Variants in NCK2 observed in about 807,000 individuals in gnomAD.
The protein encoded by NCK2 is cytoplasmic protein NCK2.
In NCK2, 16 loss-of-function variants were observed where a neutral mutation model predicts 33.9. The observed-to-expected ratio is 0.47, with a 90% confidence interval of 0.32 to 0.72. NCK2 has a LOEUF of 0.72. Among genes scored for constraint, NCK2 ranks in the 30% least tolerant of loss-of-function variants. The probability of loss-of-function intolerance (pLI) is 0.03; values close to 1 mark genes in which losing one functional copy is unlikely to be tolerated. For synonymous variants in NCK2, 273 were observed against 239.9 expected (o/e 1.14, Z -1.27); for missense variants, 418 against 537.3 (o/e 0.78, Z 2.19).
chr2:105,840,185 T>C (rs1358703961), intron 2 of NCK2, among the ~76,000 whole-genome samples: 1 of 152,112 alleles, frequency 6.6e-6, no homozygotes. Flanking sequence ...GCATGTCTTA[T>C]GCTAAATGAG....
At position 105,767,811 on chromosome 2, in the gene NCK2, T is replaced by C. The variant is rs991637885; in HGVS notation, c.-201+22673T>C. Among the ~76,000 whole-genome samples the C allele has an allele frequency of 2.0e-5, 3 of 152,082 alleles. No homozygotes were observed. The East Asian group carries it at 5.8e-4, about 29-fold the overall frequency. On this transcript the variant is annotated intron_variant, in intron 1 of 4. Coordinates refer to ENST00000233154, the MANE Select transcript of NCK2 (RefSeq NM_003581.5). Reference sequence around the variant, plus strand: ...AAGGAGGAGGAGGATACCCATTGTCTCAGGGGATTGCTAGCATGAAATTGT... The same window carrying C: ...AAGGAGGAGGAGGATACCCATTGTCCCAGGGGATTGCTAGCATGAAATTGT...
chr2:105,874,031 A>C (rs914352444), intron 3 of NCK2, among the ~76,000 whole-genome samples: 14 of 152,226 alleles, frequency 9.2e-5, no homozygotes, highest in African/African-American at 3.4e-4. Context: ...CCCTTCACAG[A>C]GAGGAATTTT....
chr2:105,807,602 G>A (rs780611626), intron 1 of NCK2, among the ~76,000 whole-genome samples: 7 of 152,126 alleles, frequency 4.6e-5, no homozygotes, highest in Non-Finnish European at 7.4e-5. Context: ...GCCTCTTGGA[G>A]TTGGAGTCAC....
chr2:105,749,839 G>A lies in NCK2; in HGVS notation c.-201+4701G>A, dbSNP rs745938085. 2.0e-3 allele frequency among the ~76,000 whole-genome samples: 297 copies of A among 152,070 alleles called. 11 individuals carry two copies. The highest frequency in any genetic ancestry group is 6.6e-4 in the Non-Finnish European group (45 of 68,024). On this transcript the variant is annotated intron_variant, in intron 1 of 4. Transcript: ENST00000233154. Reference sequence around the variant, plus strand: ...CAGAAAGCTTATTCCTGTTTAGTGCGTGTATTAGTCAGCTCCAGCTGCCTT... The same window carrying A: ...CAGAAAGCTTATTCCTGTTTAGTGCATGTATTAGTCAGCTCCAGCTGCCTT...
At chr2:105,795,916 T>C (rs987994137) in intron 1 of NCK2, among the ~76,000 whole-genome samples, 1 of 152,210 alleles carries the variant, frequency 6.6e-6, no homozygotes, top group African/African-American at 2.4e-5. Flanking sequence ...TCTAGGACTT[T>C]AGGAAAACAT....
rs866461931 is a variant in NCK2 at position 105,893,352 on chromosome 2, A to T, written c.*176A>T. On this transcript the variant is annotated 3_prime_UTR_variant, in exon 5 of 5. Transcript: ENST00000233154. ...TTTGCCATCCAGGCCTCACACCCAC[A>T]CTCGAGCCCACCCGGCCGGCCAGCT... The T allele has an allele frequency of 2.2e-5, 13 of 583,788 alleles. No individual in the cohort carries two copies. The South Asian group carries it at 3.0e-4, about 13-fold the overall frequency. 36.2% of individuals were successfully genotyped at this position (583,788 alleles called of 1,614,324 possible).
chr2:105,747,895 A>G (rs1295933078), intron 1 of NCK2, among the ~76,000 whole-genome samples: 2 of 152,256 alleles, frequency 1.3e-5, no homozygotes, highest in African/African-American at 4.8e-5. Context: ...GTGTGCAGCT[A>G]AAGCAAAAAC....
intron 3 of NCK2, among the ~76,000 whole-genome samples, chr2:105,875,697 A>G (rs541059252): frequency 6.6e-6 from 1 of 152,314 alleles, no homozygotes; most frequent in African/African-American, 2.4e-5. Flanking sequence ...CCAGACACCG[A>G]ATCTCCTGGG....
intron 3 of NCK2, among the ~76,000 whole-genome samples, chr2:105,859,349 T>G (rs970841066): frequency 1.3e-5 from 2 of 151,888 alleles, no homozygotes; most frequent in Admixed American, 1.3e-4. Flanking sequence ...CTCAGGAGGG[T>G]TTGTTCACAG....
At chr2:105,847,522 A>AG (rs1676898655) in intron 2 of NCK2, among the ~76,000 whole-genome samples, 1 of 152,120 alleles carries the variant, frequency 6.6e-6, no homozygotes, top group Non-Finnish European at 1.5e-5. Context: ...GCAGGTGTGC[A>AG]GCGGAACTGG....
chr2:105,835,037 T>C (rs1034602632), intron 2 of NCK2, among the ~76,000 whole-genome samples: 1 of 152,120 alleles, frequency 6.6e-6, no homozygotes. Flanking sequence ...GTTAAGTATT[T>C]TCTGGTTGCT....
At chr2:105,793,438 AG>A (rs952335746) in intron 1 of NCK2, among the ~76,000 whole-genome samples, 7 of 151,390 alleles carry the variant, frequency 4.6e-5, no homozygotes, top group Non-Finnish European at 1.0e-4. Flanking sequence ...CTGGTCAGGC[AG>A]GGAACTTCTG....
intron 1 of NCK2, among the ~76,000 whole-genome samples, chr2:105,798,066 C>T (rs1420685208): frequency 6.6e-6 from 1 of 152,118 alleles, no homozygotes; most frequent in Admixed American, 6.5e-5. Flanking sequence ...ATTTTAGACT[C>T]AATATTAAAT....
intron 1 of NCK2, among the ~76,000 whole-genome samples, chr2:105,812,344 C>T (rs1675320350): frequency 6.6e-6 from 1 of 152,228 alleles, no homozygotes; most frequent in African/African-American, 2.4e-5. Flanking sequence ...ATGGGTTGAA[C>T]TTTGGCCAAA....
At chr2:105,746,570 G>A (rs1402037754) in intron 1 of NCK2, among the ~76,000 whole-genome samples, 1 of 152,162 alleles carries the variant, frequency 6.6e-6, no homozygotes, top group African/African-American at 2.4e-5. Flanking sequence ...ATAAGCAGGT[G>A]AATTAGTAAC....
intron 1 of NCK2, among the ~76,000 whole-genome samples, chr2:105,755,623 A>C (rs973878656): frequency 4.6e-5 from 7 of 152,176 alleles, no homozygotes; most frequent in Non-Finnish European, 8.8e-5. Context: ...TAGATTGGGA[A>C]GTAGAAACAA....
chr2:105,755,169 G>GT (rs1689565208), intron 1 of NCK2, among the ~76,000 whole-genome samples: 1 of 152,110 alleles, frequency 6.6e-6, no homozygotes, highest in Non-Finnish European at 1.5e-5. Flanking sequence ...TAAGCCATCT[G>GT]TCTTGCTTCA....
At chr2:105,873,309 C>A (rs1053301583) in intron 3 of NCK2, among the ~76,000 whole-genome samples, 4 of 152,214 alleles carry the variant, frequency 2.6e-5, no homozygotes, top group African/African-American at 9.6e-5. Context: ...CATGTGGGCC[C>A]ACCCTAAGTC....
intron 1 of NCK2, among the ~76,000 whole-genome samples, chr2:105,773,099 G>A (rs1462584736): frequency 1.3e-5 from 2 of 151,284 alleles, no homozygotes; most frequent in African/African-American, 4.8e-5. Context: ...GGCCCTCACT[G>A]TGTTATCCAG....
Sources: allele counts gnomAD v4.1 joint callset (sites outside exome capture counted in the v4.1 genomes callset), GRCh38; gene constraint gnomAD v4.1.1; transcripts MANE v1.5; gene names NCBI Gene and HGNC (gene_info 2026-07-23, HGNC 2026-07-21).